The following SNRPE variants were observed in gnomAD, a reference collection of about 807,000 sequenced individuals.
SNRPE encodes small nuclear ribonucleoprotein E.
For missense variants in SNRPE, 53 were observed against 111.6 expected (o/e 0.48, Z 2.36); for synonymous variants, 35 against 36.7 (o/e 0.95, Z 0.17).
intron 1 of SNRPE, 106 bp from the exon 2 acceptor site, chr1:203,862,090 C>A: frequency 3.4e-6 from 3 of 889,586 alleles, no homozygotes; most frequent in Non-Finnish European, 5.7e-6. Flanking sequence ...AGCACCAGAC[C>A]TCGCGTTTAG....
At chr1:203,868,174 G>A (rs1231545169) in intron 4 of SNRPE, among the ~76,000 whole-genome samples, 1 of 152,124 alleles carries the variant, frequency 6.6e-6, no homozygotes, top group Non-Finnish European at 1.5e-5. Flanking sequence ...TCCTGCCTTA[G>A]ACTCCCAAGT....
chr1:203,864,148 C>CA (rs1690037914), intron 3 of SNRPE, among the ~76,000 whole-genome samples: 1 of 152,020 alleles, frequency 6.6e-6, no homozygotes, highest in Non-Finnish European at 1.5e-5. Context: ...GAGATGAGGT[C>CA]TCACTGTGTT....
At chr1:203,869,848 A>G (rs1358826485) in intron 4 of SNRPE, 29 bp from the exon 5 acceptor site, 1 of 1,559,516 alleles carries the variant, frequency 6.4e-7, no homozygotes, top group East Asian at 2.3e-5. Context: ...TGTGGCTATT[A>G]ATAGCTTTTT....
Position 203,869,869 on chromosome 1 carries a change from T to C in SNRPE, c.224-8T>C. On this transcript the variant is annotated splice_polypyrimidine_tract_variant and splice_region_variant and intron_variant, in intron 4 of 4. Coordinates refer to ENST00000414487, the MANE Select transcript of SNRPE (RefSeq NM_003094.4). ...TATTAATAGCTTTTTGTTGTTTTTG[T>C]GTTGCAGGTCGGATCATGCTAAAAG... is the stretch of plus-strand genomic sequence containing the variant. The C allele has an allele frequency of 6.2e-7, 1 of 1,600,086 alleles. No homozygotes were observed. Among genetic ancestry groups the C allele is most frequent in the Non-Finnish European group, 8.5e-7 (1 of 1,172,104 alleles).
At position 203,870,373 on chromosome 1, in the gene SNRPE, A is replaced by G. The variant is rs2298871; in HGVS notation, c.*441A>G. On this transcript the variant is annotated 3_prime_UTR_variant, in exon 5 of 5. Transcript: ENST00000414487. ...CTGGAATACCAGAGTTTCTAACCTA[A>G]ATATGTTGGGTACATTATTTAATGG... 6.4e-6 allele frequency: 1 copy of G among 155,744 alleles called. No individual in the cohort carries two copies. Among genetic ancestry groups the G allele is most frequent in the African/African-American group, 2.4e-5 (1 of 41,512 alleles). 9.6% of individuals were successfully genotyped at this position (155,744 alleles called of 1,614,324 possible).
chr1:203,863,399 C>T (rs947052363), intron 2 of SNRPE, among the ~76,000 whole-genome samples: 2 of 152,112 alleles, frequency 1.3e-5, no homozygotes, highest in African/African-American at 4.8e-5. Context: ...CTCACTGCAA[C>T]CTCTGCCTCC....
chr1:203,868,441 C>G (rs1376920011), intron 4 of SNRPE, among the ~76,000 whole-genome samples: 2 of 152,160 alleles, frequency 1.3e-5, no homozygotes, highest in African/African-American at 4.8e-5. Flanking sequence ...TGTTAACATC[C>G]CATTCACTTG....
intron 4 of SNRPE, among the ~76,000 whole-genome samples, chr1:203,869,652 T>C (rs1402960036): frequency 6.6e-6 from 1 of 152,206 alleles, no homozygotes; most frequent in African/African-American, 2.4e-5. Flanking sequence ...TCCATAGAAA[T>C]GATATTTGTC....
intron 4 of SNRPE, 33 bp downstream of exon 4, chr1:203,865,152 A>T: frequency 6.4e-7 from 1 of 1,566,582 alleles, no homozygotes; most frequent in Non-Finnish European, 8.7e-7. Flanking sequence ...AGAATTCTAG[A>T]AATATTTTAT....
intron 2 of SNRPE, 179 bp from the exon 3 acceptor site, chr1:203,863,484 A>T: frequency 5.5e-6 from 3 of 542,688 alleles, no homozygotes; most frequent in Non-Finnish European, 9.9e-6. Context: ...CGCCCAGCTA[A>T]TTTTTTTTGT....
At chr1:203,865,016 G>T (rs1312146909) in intron 3 of SNRPE, 25 bp from the exon 4 acceptor site, 2 of 1,596,112 alleles carry the variant, frequency 1.3e-6, no homozygotes, top group Non-Finnish European at 1.7e-6. Context: ...TTTCTTTGAA[G>T]ATAACAGTTT....
At chr1:203,861,858 G>A in intron 1 of SNRPE, 145 bp downstream of exon 1, 1 of 720,776 alleles carries the variant, frequency 1.4e-6, no homozygotes, top group Admixed American at 2.1e-5. Context: ...AGAAAGCGCG[G>A]GTAGTTGAAC....
At chr1:203,863,798 G>A in intron 3 of SNRPE, 73 bp downstream of exon 3, 1 of 1,037,162 alleles carries the variant, frequency 9.6e-7, no homozygotes, top group South Asian at 1.4e-5. Flanking sequence ...TGTCTAGCCA[G>A]AACAGTGTAT....
chr1:203,865,748 CTG>C (rs1690073769), intron 4 of SNRPE, among the ~76,000 whole-genome samples: 1 of 152,180 alleles, frequency 6.6e-6, no homozygotes, highest in African/African-American at 2.4e-5. Context: ...TTCTTACTGA[CTG>C]GCTATAAACT....
chr1:203,866,837 C>G (rs995361530), intron 4 of SNRPE, among the ~76,000 whole-genome samples: 1 of 151,906 alleles, frequency 6.6e-6, no homozygotes, highest in Non-Finnish European at 1.5e-5. Flanking sequence ...CATCTCGTAT[C>G]ACTGCCTCAC....
At chr1:203,863,783 G>A (rs1690029052) in intron 3 of SNRPE, 58 bp downstream of exon 3, 1 of 1,179,196 alleles carries the variant, frequency 8.5e-7, no homozygotes, top group Non-Finnish European at 1.3e-6. Context: ...AGACTTAACA[G>A]AAAGTGTCTA....
chr1:203,864,759 C>G (rs1055670746), intron 3 of SNRPE, among the ~76,000 whole-genome samples: 1 of 151,702 alleles, frequency 6.6e-6, no homozygotes, highest in African/African-American at 2.4e-5. Flanking sequence ...CCCTGTAGTT[C>G]CAGCTACTTG....
intron 4 of SNRPE, among the ~76,000 whole-genome samples, chr1:203,868,087 T>TCTCA (rs34186188): frequency 0.76 from 114,566 of 151,406 alleles, 43,445 homozygotes; most frequent in East Asian, 0.8. Context: ...GGAGACAGAG[T>TCTCA]CTCTGTCGCT....
chr1:203,869,947 G>A lies in SNRPE; in HGVS notation c.*15G>A. On this transcript the variant is annotated 3_prime_UTR_variant, in exon 5 of 5. Coordinates refer to ENST00000414487, the MANE Select transcript of SNRPE (RefSeq NM_003094.4). ...TCTCCAACTAGAAATGATCAATGAA[G>A]TGAGAAATTGTTGAGAAGGATACAG... 2.0e-6 allele frequency: 3 copies of A among 1,520,298 alleles called. No homozygotes were observed. Among genetic ancestry groups the A allele is most frequent in the African/African-American group, 1.4e-5 (1 of 73,090 alleles). 94.2% of individuals were successfully genotyped at this position (1,520,298 alleles called of 1,614,324 possible).
Sources: allele counts gnomAD v4.1 joint callset (sites outside exome capture counted in the v4.1 genomes callset), GRCh38; gene constraint gnomAD v4.1.1; transcripts MANE v1.5; gene names NCBI Gene and HGNC (gene_info 2026-07-23, HGNC 2026-07-21).